Variants in RBM20 observed in about 807,000 individuals in gnomAD.
RBM20 encodes the protein RNA-binding protein 20.
A neutral mutation model predicts 110.1 loss-of-function variants in RBM20; 51 were observed. That is an observed-to-expected ratio of 0.46 (90% CI 0.37 to 0.59). The LOEUF (loss-of-function observed/expected upper bound fraction) is 0.59, where lower values mean the gene tolerates loss of function less well. Ranked by LOEUF, RBM20 falls within the 20% of genes least tolerant of loss-of-function variation. The pLI, the probability that RBM20 is intolerant of heterozygous loss-of-function variation, is 0.00. For missense variants in RBM20, 1,512 were observed against 1,574.9 expected, an observed-to-expected ratio of 0.96 and a Z score of 0.68; for synonymous variants, 589 against 618.2, an observed-to-expected ratio of 0.95 and a Z score of 0.70.
intron 1 of RBM20, among the ~76,000 whole-genome samples, chr10:110,776,721 A>T (rs955526627): frequency 6.6e-6 from 1 of 152,262 alleles, no homozygotes; most frequent in Non-Finnish European, 1.5e-5. Flanking sequence ...TCATGTCTGC[A>T]AAGTCCCCTT....
chr10:110,767,452 CGGG>C (rs1844116520), intron 1 of RBM20, among the ~76,000 whole-genome samples: 1 of 147,086 alleles, frequency 6.8e-6, no homozygotes, highest in African/African-American at 2.5e-5. Context: ...ACTTCCCAGA[CGGG>C]GTGGCTGCCG....
intron 1 of RBM20, among the ~76,000 whole-genome samples, chr10:110,774,800 C>T (rs899409569): frequency 2.6e-5 from 4 of 152,120 alleles, no homozygotes; most frequent in Non-Finnish European, 5.9e-5. Flanking sequence ...ACTTTAGCCC[C>T]AATATGACTG....
chr10:110,702,723 GA>G (rs1862777851), intron 1 of RBM20, among the ~76,000 whole-genome samples: 1 of 152,212 alleles, frequency 6.6e-6, no homozygotes, highest in South Asian at 2.1e-4. Flanking sequence ...TCAGAAGGGA[GA>G]GCTCTGGATC....
intron 5 of RBM20, among the ~76,000 whole-genome samples, chr10:110,797,155 T>C (rs1436528989): frequency 1.3e-5 from 2 of 152,154 alleles, no homozygotes; most frequent in East Asian, 1.9e-4. Context: ...TATTATGAAA[T>C]GGTGGTGCAT....
chr10:110,691,839 G>A (rs1462934435), intron 1 of RBM20, among the ~76,000 whole-genome samples: 1 of 152,056 alleles, frequency 6.6e-6, no homozygotes, highest in African/African-American at 2.4e-5. Context: ...TACCCAAGAA[G>A]TCATTGCCAA....
intron 7 of RBM20, among the ~76,000 whole-genome samples, chr10:110,808,070 A>C (rs1844717638): frequency 6.6e-6 from 1 of 152,234 alleles, no homozygotes. Context: ...CAGCCATCCC[A>C]GCTGGCTTTC....
rs570532667 is a variant in RBM20 at position 110,663,759 on chromosome 10, A to G, written c.191+19114A>G. 3.9e-5 allele frequency among the ~76,000 whole-genome samples: 6 copies of G among 152,354 alleles called. No individual in the cohort carries two copies. The East Asian group carries it at 1.2e-3, about 29-fold the overall frequency. On this transcript the variant is annotated intron_variant, in intron 1 of 13. Transcript: ENST00000369519. The stretch of plus-strand genomic sequence containing the variant: ...TTATTTCAGATAACTTGAAAACACA[A>G]TTAATTTAATTATACATCCCTAGTG...
intron 1 of RBM20, among the ~76,000 whole-genome samples, chr10:110,731,297 T>TC (rs2134952060): frequency 6.6e-6 from 1 of 152,336 alleles, no homozygotes; most frequent in South Asian, 2.1e-4. Flanking sequence ...GCTGCTAATT[T>TC]CCCTGCTTTA....
chr10:110,760,959 G>T (rs1843990342), intron 1 of RBM20, among the ~76,000 whole-genome samples: 1 of 150,820 alleles, frequency 6.6e-6, no homozygotes. Flanking sequence ...AGCCAGTTGT[G>T]GTGGTGGGCA....
intron 1 of RBM20, among the ~76,000 whole-genome samples, chr10:110,720,895 G>A (rs1843497402): frequency 6.6e-6 from 1 of 152,198 alleles, no homozygotes; most frequent in South Asian, 2.1e-4. Flanking sequence ...GGCCTGGCAG[G>A]CCCTCCATGG....
In RBM20 at chr10:110,821,474, C is replaced by T. The variant is rs727503390; in HGVS notation, c.2855C>T (p.Thr952Ile). Reference sequence around the variant, plus strand: ...GAAACATGTCTGTGTGTGACAACCACCTTAGACTTAGACCTGGCCCAGGAT... The same window carrying T: ...GAAACATGTCTGTGTGTGACAACCATCTTAGACTTAGACCTGGCCCAGGAT... ...CPETCLCVTT[T>I]LDLDLAQDFP... Residue 952 changes from threonine (T) to isoleucine (I), a missense_variant, in exon 11 of 14, where the codon ACC becomes ATC. Around this residue, in one of 3 missense-constraint regions of RBM20, gnomAD observed 358 missense variants for 384.2 expected, o/e 0.93. Transcript: ENST00000369519. 3.2e-6 allele frequency: 5 copies of T among 1,551,846 alleles called. No homozygotes were observed. The South Asian group carries it at 5.9e-5, about 18-fold the overall frequency.
At chr10:110,721,890 C>T (rs1445329760) in intron 1 of RBM20, among the ~76,000 whole-genome samples, 2 of 152,100 alleles carry the variant, frequency 1.3e-5, no homozygotes, top group East Asian at 3.9e-4. Flanking sequence ...TGGGGGGATG[C>T]ATCCAAGACT....
At chr10:110,820,268 A>G in intron 10 of RBM20, 92 bp downstream of exon 10, 1 of 811,606 alleles carries the variant, frequency 1.2e-6, no homozygotes, top group Non-Finnish European at 2.0e-6. Context: ...TGGATGGAAT[A>G]TGGCTGAGAC....
chr10:110,831,776 C>T (rs1216307874), intron 13 of RBM20, among the ~76,000 whole-genome samples: 6 of 151,168 alleles, frequency 4.0e-5, no homozygotes, highest in Admixed American at 3.9e-4. Context: ...TTCTAGGGAC[C>T]AGGGATACTG....
At chr10:110,655,660 A>G (rs7904854) in intron 1 of RBM20, among the ~76,000 whole-genome samples, 27,616 of 152,112 alleles carry the variant, frequency 0.18, 3,527 homozygotes, top group African/African-American at 0.35. Flanking sequence ...TCTCTGCCAG[A>G]CATACTTTTT....
chr10:110,736,451 T>C (rs1466339490), intron 1 of RBM20, among the ~76,000 whole-genome samples: 2 of 152,250 alleles, frequency 1.3e-5, no homozygotes, highest in African/African-American at 2.4e-5. Context: ...TATACACTTT[T>C]TGGATTAGGT....
chr10:110,831,682 A>AAC lies in RBM20; in HGVS notation c.3573+501_3573+502insCA, dbSNP rs1564668247. ...TTGCTAGAATAAAAAAAAAAAAAAA[A>AAC]AAAAAAAAACACTGCTTTGTTCTTT... On this transcript the variant is annotated intron_variant, in intron 13 of 13. Coordinates refer to ENST00000369519, the MANE Select transcript of RBM20 (RefSeq NM_001134363.3). Among the ~76,000 whole-genome samples the AAC allele has an allele frequency of 1.4e-3, 190 of 136,498 alleles. 2 individuals are homozygous for AAC. The highest frequency in any genetic ancestry group is 4.7e-3 in the African/African-American group (179 of 37,844). The allele number at this position is 136,498 out of a possible 152,430, so 89.5% of individuals were successfully genotyped here.
At chr10:110,681,722 A>G (rs1260196211) in intron 1 of RBM20, among the ~76,000 whole-genome samples, 1 of 152,196 alleles carries the variant, frequency 6.6e-6, no homozygotes, top group South Asian at 2.1e-4. Flanking sequence ...TATGCTTTTT[A>G]CCCAGCTGCA....
At chr10:110,807,705 G>A (rs1160078112) in intron 7 of RBM20, among the ~76,000 whole-genome samples, 1 of 152,190 alleles carries the variant, frequency 6.6e-6, no homozygotes. Context: ...CCTGGATCTG[G>A]GCTGGAAGGA....
Sources: allele counts gnomAD v4.1 joint callset (sites outside exome capture counted in the v4.1 genomes callset), GRCh38; gene constraint gnomAD v4.1.1; regional missense constraint gnomAD v4.1.1; transcripts MANE v1.5; gene names NCBI Gene and HGNC (gene_info 2026-07-23, HGNC 2026-07-21).